PFKFB3: variants seen among roughly 807,000 people sequenced by gnomAD.
PFKFB3 encodes the protein 6-phosphofructo-2-kinase/fructose-2,6-bisphosphatase 3.
Under a neutral mutation model 68.0 loss-of-function variants are expected in PFKFB3, and 33 were observed. The observed-to-expected ratio is 0.49, with a 90% confidence interval of 0.37 to 0.65. The LOEUF (loss-of-function observed/expected upper bound fraction) is 0.65, where lower values mean the gene tolerates loss of function less well. PFKFB3 is among the 30% of genes least tolerant of loss of function. The pLI is 0.00. For synonymous variants in PFKFB3, 315 were observed against 288.2 expected (o/e 1.09, Z -0.94); for missense variants, 586 against 712.2 (o/e 0.82, Z 2.02).
intron 1 of PFKFB3, among the ~76,000 whole-genome samples, chr10:6,211,773 T>C (rs1306709258): frequency 6.6e-6 from 1 of 152,204 alleles, no homozygotes; most frequent in African/African-American, 2.4e-5. Flanking sequence ...CCAGGGCTTT[T>C]AGCGTCTCCT....
At chr10:6,311,305 C>A in the PFKFB3 span, among the ~76,000 whole-genome samples, 1 of 152,278 alleles carries the variant, frequency 6.6e-6, no homozygotes, top group Non-Finnish European at 1.5e-5. Context: ...GCATGGGCCG[C>A]CATGGAAAAT....
In PFKFB3 at chr10:6,216,831, G is replaced by C. The variant is rs190538826; in HGVS notation, c.441+51G>C. ...TAGAGGGCTCGGGAGAGAGGAAAAGGCTTCAGGAAGCGGCCTGAGTCCTGC... is the reference window on the plus strand; with the variant it reads ...TAGAGGGCTCGGGAGAGAGGAAAAGCCTTCAGGAAGCGGCCTGAGTCCTGC... On this transcript the variant is annotated intron_variant, in intron 5 of 14. Transcript: ENST00000379775. 1.5e-4 allele frequency: 205 copies of C among 1,363,790 alleles called. 1 individual carries two copies. The African/African-American group carries it at 2.6e-3, about 17-fold the overall frequency. 84.5% of individuals were successfully genotyped at this position (1,363,790 alleles called of 1,614,324 possible).
At position 6,183,716 on chromosome 10, in the gene PFKFB3, C is replaced by T. The variant is rs1328898672; in HGVS notation, c.17-29907C>T. ...TTAATTTTTTTTTTTGAGACAGAGT[C>T]TCGCTCTGTCACCCAGGCTGGAGTG... On this transcript the variant is annotated intron_variant, in intron 1 of 14. Coordinates refer to the PFKFB3 transcript ENST00000379789. Among the ~76,000 whole-genome samples, 3 of 146,468 alleles carry T rather than the reference C, an allele frequency of 2.0e-5. No homozygotes were observed. In the Admixed American group the frequency reaches 2.1e-4, roughly 10 times the overall value.
chr10:6,272,460 G>A, the PFKFB3 span, among the ~76,000 whole-genome samples: 2 of 152,108 alleles, frequency 1.3e-5, no homozygotes, highest in African/African-American at 2.4e-5. Flanking sequence ...TTGGGAGGCC[G>A]AGGCGGGCGG....
rs142703610 is a variant in PFKFB3, at chr10:6,151,552, A to T, written c.16+6539A>T. Reference sequence around the variant, plus strand: ...TGACAACTGTGCTTTCTTAGGGTGGAGTTGGTCTGCTGTCGTGACTGTCTG... The same window carrying T: ...TGACAACTGTGCTTTCTTAGGGTGGTGTTGGTCTGCTGTCGTGACTGTCTG... On this transcript the variant is annotated intron_variant, in intron 1 of 14. Transcript: ENST00000379789. Among the ~76,000 whole-genome samples, 108 of 152,086 alleles carry T rather than the reference A, an allele frequency of 7.1e-4. 1 individual carries two copies. Among genetic ancestry groups the T allele is most frequent in the Middle Eastern group, 6.8e-3 (2 of 294 alleles).
intron 1 of PFKFB3, among the ~76,000 whole-genome samples, chr10:6,187,980 C>CTATCTATCTATCTATCTATCT (rs1564606840): frequency 1.2e-5 from 1 of 82,776 alleles, no homozygotes; most frequent in African/African-American, 6.5e-5. Flanking sequence ...TCTATCTATC[C>CTATCTATCTATCTATCTATCT]ATCCATCCAT....
At chr10:6,161,029 G>A (rs1406636269) in intron 1 of PFKFB3, among the ~76,000 whole-genome samples, 8 of 151,952 alleles carry the variant, frequency 5.3e-5, no homozygotes, top group African/African-American at 1.2e-4. Context: ...TCCGCTTCTC[G>A]GGTTCAAGCA....
At chr10:6,160,718 C>CAAA (rs538580465) in intron 1 of PFKFB3, among the ~76,000 whole-genome samples, 7,019 of 77,580 alleles carry the variant, frequency 0.09, 683 homozygotes, top group African/African-American at 0.14. Context: ...GACTCTGTCT[C>CAAA]AAAAAAAAAA....
chr10:6,236,510 C>T (rs1406409491), downstream of PFKFB3, among the ~76,000 whole-genome samples: 2 of 152,234 alleles, frequency 1.3e-5, no homozygotes, highest in African/African-American at 2.4e-5. Flanking sequence ...GCGCCTGCCG[C>T]CCACGCTGTG....
At position 6,229,197 on chromosome 10, in the gene PFKFB3, A is replaced by G. The variant is rs1258265443; in HGVS notation, c.1515+2832A>G. 1.9e-6 allele frequency: 1 copy of G among 516,106 alleles called. No individual in the cohort carries two copies. Among genetic ancestry groups the G allele is most frequent in the Non-Finnish European group, 4.0e-6 (1 of 251,010 alleles). 32.0% of individuals were successfully genotyped at this position (516,106 alleles called of 1,614,324 possible). ...ATGGGAGAGGTTTGGCATGGCGCTCAGATTTTGGTGGCAAAGGGGTGAAGG... is the reference window on the plus strand; with the variant it reads ...ATGGGAGAGGTTTGGCATGGCGCTCGGATTTTGGTGGCAAAGGGGTGAAGG... On this transcript the variant is annotated intron_variant, in intron 14 of 14. Coordinates refer to ENST00000379775, the MANE Select transcript of PFKFB3 (RefSeq NM_004566.4). The surrounding 1 kb of genome is among the most constrained non-coding windows in gnomAD (Gnocchi z 4.3).
downstream of PFKFB3, among the ~76,000 whole-genome samples, chr10:6,255,273 C>T (rs1225833900): frequency 3.3e-5 from 5 of 151,882 alleles, no homozygotes; most frequent in Admixed American, 6.6e-5. Context: ...TACAGTCACA[C>T]GCCACCATGC....
At chr10:6,177,372 CT>C (rs886351542) in intron 1 of PFKFB3, among the ~76,000 whole-genome samples, 2 of 106,148 alleles carry the variant, frequency 1.9e-5, no homozygotes, top group East Asian at 4.6e-4. Context: ...TTCTTTCTTT[CT>C]TTCTTTCTTT....
chr10:6,177,952 G>C (rs1842579137), intron 1 of PFKFB3, among the ~76,000 whole-genome samples: 1 of 152,202 alleles, frequency 6.6e-6, no homozygotes, highest in African/African-American at 2.4e-5. Context: ...GGACACGTGG[G>C]TGTGAGTGGT....
the PFKFB3 span, among the ~76,000 whole-genome samples, chr10:6,302,816 G>T: frequency 6.6e-6 from 1 of 152,072 alleles, no homozygotes; most frequent in Admixed American, 6.6e-5. Context: ...ATTTGTGTGT[G>T]TGTGTGTTTT....
chr10:6,214,259 A>G (rs928262348), intron 2 of PFKFB3, among the ~76,000 whole-genome samples: 3 of 152,132 alleles, frequency 2.0e-5, no homozygotes, highest in Non-Finnish European at 2.9e-5. Context: ...AGTGAACCCT[A>G]TTGTGAACTG....
intron 1 of PFKFB3, chr10:6,146,267 C>G: frequency 6.8e-7 from 1 of 1,471,192 alleles, no homozygotes; most frequent in Non-Finnish European, 9.0e-7. Flanking sequence ...CTACGGTTGC[C>G]TGGAGGCTGT....
chr10:6,144,939 T>C (rs542959106), exon 1 of PFKFB3: 2 of 1,232,386 alleles, frequency 1.6e-6, no homozygotes, highest in South Asian at 3.1e-5. Flanking sequence ...GGGCTGCCGC[T>C]TGGACGTCGT....
the PFKFB3 span, chr10:6,293,036 A>G: frequency 2.7e-5 from 10 of 369,858 alleles, no homozygotes; most frequent in Admixed American, 9.5e-5. Context: ...CGTGCAGAAT[A>G]CAGAAGTTGC....
chr10:6,260,956 G>A, the PFKFB3 span, among the ~76,000 whole-genome samples: 1 of 152,202 alleles, frequency 6.6e-6, no homozygotes, highest in Non-Finnish European at 1.5e-5. Flanking sequence ...AATTTTGGTA[G>A]CTAGTGCTGA....
Sources: allele counts gnomAD v4.1 joint callset (sites outside exome capture counted in the v4.1 genomes callset), GRCh38; gene constraint gnomAD v4.1.1; non-coding constraint Gnocchi (gnomAD v3.1); transcripts MANE v1.5; gene names NCBI Gene and HGNC (gene_info 2026-07-23, HGNC 2026-07-21).